Variants in ZDHHC15 observed in about 807,000 individuals in gnomAD.
ZDHHC15 encodes zDHHC palmitoyltransferase 15.
Under a neutral mutation model 31.7 loss-of-function variants are expected in ZDHHC15, and 19 were observed. The ratio of observed to expected loss-of-function variants is 0.60; its 90% CI spans 0.42 to 0.88. ZDHHC15 has a LOEUF of 0.88. Among genes scored for constraint, ZDHHC15 ranks in the 40% least tolerant of loss-of-function variants. ZDHHC15 has a pLI of 0.00. For synonymous variants in ZDHHC15, 103 were observed against 90.0 expected, an observed-to-expected ratio of 1.14 and a Z score of -0.82; for missense variants, 209 against 251.2, an observed-to-expected ratio of 0.83 and a Z score of 1.14.
chrX:75,401,231 C>T (rs1237502383), intron 10 of ZDHHC15, among the ~76,000 whole-genome samples: 1 of 104,374 alleles, frequency 9.6e-6, no homozygotes, highest in Non-Finnish European at 2.0e-5. Context: ...TACATTAAAG[C>T]AGTCACTTTT....
chrX:75,479,959 T>G (rs2084663960), intron 2 of ZDHHC15, among the ~76,000 whole-genome samples: 1 of 111,744 alleles, frequency 8.9e-6, no homozygotes, highest in African/African-American at 3.2e-5. Context: ...TTCATACCCT[T>G]TGCCTTTTAG....
At chrX:75,433,329 A>T (rs2083804246) in intron 4 of ZDHHC15, among the ~76,000 whole-genome samples, 2 of 110,660 alleles carry the variant, frequency 1.8e-5, no homozygotes, top group Admixed American at 9.7e-5. Context: ...GTGTTTGGTT[A>T]CATGGATAAG....
At chrX:75,518,804 TATACACACACACAC>T (rs2085403497) in intron 1 of ZDHHC15, among the ~76,000 whole-genome samples, 4 of 23,753 alleles carry the variant, frequency 1.7e-4, no homozygotes, top group African/African-American at 2.6e-4. Context: ...TATATATATA[TATACACACACACAC>T]ACACACACAC....
At chrX:75,431,664 C>T (rs920236381) in intron 4 of ZDHHC15, 144 bp from the exon 5 acceptor site, 4 of 432,705 alleles carry the variant, frequency 9.2e-6, no homozygotes, top group Middle Eastern at 5.1e-4. Context: ...AGGCAGACTA[C>T]ATAAGAGAAT....
intron 10 of ZDHHC15, among the ~76,000 whole-genome samples, chrX:75,412,409 G>A (rs1165732923): frequency 3.6e-5 from 4 of 110,762 alleles, no homozygotes; most frequent in Admixed American, 2.9e-4. Flanking sequence ...AAGAAATTGC[G>A]GGACAGATAT....
At chrX:75,387,602 T>C (rs1389188655) in intron 10 of ZDHHC15, among the ~76,000 whole-genome samples, 3 of 111,165 alleles carry the variant, frequency 2.7e-5, no homozygotes, top group Non-Finnish European at 3.8e-5. Flanking sequence ...GAAAACCTTT[T>C]TGAAAATAAA....
intron 8 of ZDHHC15, among the ~76,000 whole-genome samples, chrX:75,423,791 T>G (rs2083679100): frequency 1.8e-5 from 2 of 108,882 alleles, no homozygotes; most frequent in Non-Finnish European, 3.8e-5. Context: ...TGAGCCATCA[T>G]GTACGGCCAA....
intron 10 of ZDHHC15, among the ~76,000 whole-genome samples, chrX:75,385,942 A>G (rs2083174609): frequency 8.9e-6 from 1 of 111,866 alleles, no homozygotes; most frequent in African/African-American, 3.2e-5. Context: ...TAAATAAAAT[A>G]CCCTTGAGCT....
intron 2 of ZDHHC15, among the ~76,000 whole-genome samples, chrX:75,497,803 A>G: frequency 9.0e-6 from 1 of 111,540 alleles, no homozygotes; most frequent in Middle Eastern, 4.6e-3. Flanking sequence ...CCCTCAGCAA[A>G]ATCAGCATAG....
chrX:75,502,438 T>C (rs1189010919), intron 2 of ZDHHC15, among the ~76,000 whole-genome samples: 2 of 112,222 alleles, frequency 1.8e-5, no homozygotes. Context: ...TTCTGTTATT[T>C]AGAAATTACA....
intron 4 of ZDHHC15, among the ~76,000 whole-genome samples, chrX:75,449,287 G>T (rs1485212223): frequency 9.7e-6 from 1 of 103,576 alleles, no homozygotes; most frequent in Non-Finnish European, 2.0e-5. Flanking sequence ...GGAGAACGCT[G>T]ACTAACACAC....
chrX:75,429,205 A>G lies in ZDHHC15; in HGVS notation c.483-7T>C. ...TCCAATGCAGTTATTAACCCTAAAA[A>G]AAAAGAAAAACTAATTTGACATCAG... is the stretch of plus-strand genomic sequence containing the variant. On this transcript the variant is annotated splice_polypyrimidine_tract_variant and splice_region_variant and intron_variant, in intron 6 of 11. Transcript: ENST00000373367. The G allele has an allele frequency of 8.4e-7, 1 of 1,196,042 alleles. No homozygotes were observed. Among genetic ancestry groups the G allele is most frequent in the Non-Finnish European group, 1.1e-6 (1 of 890,777 alleles).
chrX:75,423,597 T>C (rs1569321882), intron 8 of ZDHHC15, among the ~76,000 whole-genome samples: 1 of 100,064 alleles, frequency 1.0e-5, no homozygotes, highest in Non-Finnish European at 2.0e-5. Flanking sequence ...AGTTTGCCAT[T>C]GATGGACCTT....
At chrX:75,519,849 A>G (rs1342598980) in intron 1 of ZDHHC15, among the ~76,000 whole-genome samples, 1 of 111,819 alleles carries the variant, frequency 8.9e-6, no homozygotes. Context: ...GGCAGGAGGG[A>G]CTGGTTCAGC....
intron 1 of ZDHHC15, among the ~76,000 whole-genome samples, chrX:75,513,152 G>A (rs970249052): frequency 4.5e-5 from 5 of 110,952 alleles, no homozygotes; most frequent in African/African-American, 1.6e-4. Context: ...ATGGATTAAA[G>A]ATTTAAACGT....
intron 9 of ZDHHC15, 117 bp downstream of exon 9, chrX:75,421,747 T>C: frequency 1.3e-6 from 1 of 778,205 alleles, no homozygotes; most frequent in Non-Finnish European, 1.8e-6. Context: ...AATGAAGAAC[T>C]TGGGGAATAG....
chrX:75,411,652 C>T (rs1381760609), intron 10 of ZDHHC15, among the ~76,000 whole-genome samples: 3 of 111,294 alleles, frequency 2.7e-5, no homozygotes, highest in African/African-American at 9.8e-5. Flanking sequence ...TCACATGTAC[C>T]CCTTAAATAT....
chrX:75,421,413 T>TATA (rs2083633243), intron 9 of ZDHHC15, among the ~76,000 whole-genome samples: 1 of 9,087 alleles, frequency 1.1e-4, no homozygotes, highest in South Asian at 3.2e-3. Flanking sequence ...ATATATATAA[T>TATA]ATATATATAA....
intron 7 of ZDHHC15, 54 bp downstream of exon 7, chrX:75,429,024 T>C: frequency 8.4e-7 from 1 of 1,183,630 alleles, no homozygotes; most frequent in Non-Finnish European, 1.1e-6. Context: ...ATGTCACAAG[T>C]TGGAGTGGGT....
Sources: gnomAD v4.1 joint callset for allele counts (sites outside exome capture counted in the v4.1 genomes callset) on GRCh38, gnomAD v4.1.1 for gene constraint, MANE v1.5 for transcripts, NCBI Gene and HGNC (gene_info 2026-07-23, HGNC 2026-07-21) for gene names.